Variants in SDK1 observed in about 807,000 individuals in gnomAD.
SDK1 encodes sidekick cell adhesion molecule 1, also known as protein sidekick-1.
A neutral mutation model predicts 245.5 loss-of-function variants in SDK1; 157 were observed. The observed-to-expected ratio is 0.64, with a 90% CI of 0.56 to 0.73. SDK1 has a LOEUF of 0.73. SDK1 is among the 30% of genes least tolerant of loss of function. SDK1 has a pLI of 0.00. For synonymous variants in SDK1, 1,647 were observed against 1,278.5 expected, an observed-to-expected ratio of 1.29 and a Z score of -6.15; for missense variants, 3,583 against 3,002.3, an observed-to-expected ratio of 1.19 and a Z score of -4.52.
At chr7:3,603,478 CTGTT>C (rs1322692282) in intron 1 of SDK1, among the ~76,000 whole-genome samples, 2 of 151,442 alleles carry the variant, frequency 1.3e-5, no homozygotes, top group African/African-American at 4.8e-5. Flanking sequence ...ATTTGGCTCT[CTGTT>C]TGTCTGTTAT....
intron 18 of SDK1, among the ~76,000 whole-genome samples, chr7:4,050,598 A>T (rs1158112130): frequency 6.6e-6 from 1 of 152,198 alleles, no homozygotes; most frequent in African/African-American, 2.4e-5. Flanking sequence ...AATGCTGCCA[A>T]AACATGAACA....
At chr7:3,857,491 T>C (rs1780576027) in intron 5 of SDK1, among the ~76,000 whole-genome samples, 1 of 152,046 alleles carries the variant, frequency 6.6e-6, no homozygotes, top group African/African-American at 2.4e-5. Context: ...AAGACCAGCC[T>C]TGGCAACATG....
intron 1 of SDK1, among the ~76,000 whole-genome samples, chr7:3,522,909 A>T (rs185594325): frequency 3.9e-5 from 6 of 152,396 alleles, no homozygotes; most frequent in Non-Finnish European, 8.8e-5. Context: ...TTAAATTCAA[A>T]GTAGCATTTT....
chr7:3,861,707 T>C (rs1171947208), intron 5 of SDK1, among the ~76,000 whole-genome samples: 1 of 152,196 alleles, frequency 6.6e-6, no homozygotes, highest in Non-Finnish European at 1.5e-5. Flanking sequence ...GATTGATTTG[T>C]AAAACATTCT....
chr7:3,326,064 A>G (rs1779933510), intron 1 of SDK1, among the ~76,000 whole-genome samples: 1 of 152,170 alleles, frequency 6.6e-6, no homozygotes, highest in Non-Finnish European at 1.5e-5. Context: ...ATTGTACAAT[A>G]TTTCTTAATG....
At chr7:3,423,512 C>A (rs554790456) in intron 1 of SDK1, among the ~76,000 whole-genome samples, 1 of 150,030 alleles carries the variant, frequency 6.7e-6, no homozygotes, top group African/African-American at 2.4e-5. Context: ...AAAACAAATT[C>A]GGGAATGAGA....
At chr7:4,068,276 T>C (rs1036506746) in intron 20 of SDK1, among the ~76,000 whole-genome samples, 2 of 152,222 alleles carry the variant, frequency 1.3e-5, no homozygotes, top group African/African-American at 4.8e-5. Flanking sequence ...TTAATTCTCA[T>C]AGCAGCATGG....
chr7:3,476,386 T>C (rs549599287), intron 1 of SDK1, among the ~76,000 whole-genome samples: 65 of 152,306 alleles, frequency 4.3e-4, no homozygotes, highest in African/African-American at 1.5e-3. Flanking sequence ...CAGCAAAAGG[T>C]GAGTGGTAGT....
chr7:4,266,227 G>A lies in SDK1; in HGVS notation c.*843G>A, dbSNP rs1253721671. On this transcript the variant is annotated 3_prime_UTR_variant, in exon 45 of 45. Coordinates refer to ENST00000404826, the MANE Select transcript of SDK1 (RefSeq NM_152744.4). ...GTCTCCAGAATTGCTTGTTACGTAG[G>A]AAGCGTGCATTGTTAACCAGAGTAT... 7.1e-6 allele frequency: 7 copies of A among 985,412 alleles called. No homozygotes were observed. The East Asian group carries it at 6.8e-4, about 96-fold the overall frequency. 61.0% of individuals were successfully genotyped at this position (985,412 alleles called of 1,614,324 possible). A position where few individuals can be genotyped will look rare whatever the true frequency, so the allele number is the denominator to read the frequency against.
intron 1 of SDK1, among the ~76,000 whole-genome samples, chr7:3,400,523 G>A (rs368033186): frequency 3.3e-5 from 5 of 151,982 alleles, no homozygotes; most frequent in South Asian, 2.1e-4. Context: ...TGAAAAGAAC[G>A]TATGTACTTA....
chr7:3,464,926 G>A (rs1780946910), intron 1 of SDK1, among the ~76,000 whole-genome samples: 1 of 151,952 alleles, frequency 6.6e-6, no homozygotes, highest in African/African-American at 2.4e-5. Context: ...TTTAGTATTT[G>A]ACATCAAACT....
At position 3,723,943 on chromosome 7, in the gene SDK1, TAGAGAGAGAGAGAG is replaced by T. The variant is rs542853903; in HGVS notation, c.713+81860_713+81873del. Among the ~76,000 whole-genome samples, 63 of 89,696 alleles carry T rather than the reference TAGAGAGAGAGAGAG, an allele frequency of 7.0e-4. 1 individual carries two copies. The highest frequency in any genetic ancestry group is 2.5e-3 in the African/African-American group (52 of 21,194). The allele number at this position is 89,696 out of a possible 152,430, so 58.8% of individuals were successfully genotyped here. A position where few individuals can be genotyped will look rare whatever the true frequency, so the allele number is the denominator to read the frequency against. ...ATACACGTATATATATATATATATATAGAGAGAGAGAGAGAGAGAGAGAGAGAGAGAGAGAAAGA... is the reference window on the plus strand; with the variant it reads ...ATACACGTATATATATATATATATATAGAGAGAGAGAGAGAGAGAGAAAGA... On this transcript the variant is annotated intron_variant, in intron 4 of 44. Transcript: ENST00000404826.
intron 35 of SDK1, among the ~76,000 whole-genome samples, chr7:4,192,424 C>A (rs1046492293): frequency 6.6e-6 from 1 of 152,030 alleles, no homozygotes; most frequent in African/African-American, 2.4e-5. Context: ...TACAGGTGCC[C>A]GCCACCACGC....
intron 1 of SDK1, among the ~76,000 whole-genome samples, chr7:3,466,979 T>TACAC (rs11269597): frequency 0.04 from 5,115 of 127,420 alleles, 141 homozygotes; most frequent in African/African-American, 0.062. Context: ...TCTCTCTCTC[T>TACAC]ACACACACAC....
rs11320383 is a variant in SDK1, at chr7:3,501,378, GA to G, written c.299-117691del. 5.2e-3 allele frequency among the ~76,000 whole-genome samples: 702 copies of G among 136,028 alleles called. 3 individuals carry two copies. Among genetic ancestry groups the G allele is most frequent in the African/African-American group, 0.015 (602 of 39,718 alleles). The allele number at this position is 136,028 out of a possible 152,430, so 89.2% of individuals were successfully genotyped here. On this transcript the variant is annotated intron_variant, in intron 1 of 44. Coordinates refer to ENST00000404826, the MANE Select transcript of SDK1 (RefSeq NM_152744.4). Reference sequence around the variant, plus strand: ...CTATGGGCTAGGGAATCAGGAAAAAGAAAAAAAAAAACTGATCAGGACAGTT... The same window carrying G: ...CTATGGGCTAGGGAATCAGGAAAAAGAAAAAAAAAACTGATCAGGACAGTT...
intron 1 of SDK1, among the ~76,000 whole-genome samples, chr7:3,461,237 C>T (rs1163155927): frequency 6.6e-6 from 1 of 152,192 alleles, no homozygotes; most frequent in East Asian, 1.9e-4. Context: ...TGTCTAGTTT[C>T]TCTTGATTCC....
intron 4 of SDK1, among the ~76,000 whole-genome samples, chr7:3,655,573 C>A (rs1476210958): frequency 6.9e-6 from 1 of 145,726 alleles, no homozygotes; most frequent in East Asian, 2.0e-4. Flanking sequence ...ATCTGTCTAT[C>A]CCTCTTACAT....
intron 1 of SDK1, among the ~76,000 whole-genome samples, chr7:3,574,254 T>C (rs1422221049): frequency 1.3e-5 from 2 of 151,970 alleles, no homozygotes; most frequent in East Asian, 3.9e-4. Flanking sequence ...GCAGCTGGGA[T>C]TGCAGGCGCC....
intron 2 of SDK1, among the ~76,000 whole-genome samples, chr7:3,624,655 G>T (rs1222835477): frequency 6.6e-6 from 1 of 152,038 alleles, no homozygotes; most frequent in African/African-American, 2.4e-5. Flanking sequence ...AAAACCCAAG[G>T]CATATTAGAA....
Sources: gnomAD v4.1 joint callset for allele counts (sites outside exome capture counted in the v4.1 genomes callset) on GRCh38, gnomAD v4.1.1 for gene constraint, MANE v1.5 for transcripts, NCBI Gene and HGNC (gene_info 2026-07-23, HGNC 2026-07-21) for gene names.